Variants in CSMD3 observed in about 807,000 individuals in gnomAD.
CSMD3 encodes the protein CUB and sushi domain-containing protein 3.
In CSMD3, 177 loss-of-function variants were observed where a neutral mutation model predicts 435.2. That is an observed-to-expected ratio of 0.41 (90% CI 0.36 to 0.46). CSMD3 has a LOEUF of 0.46. Ranked by LOEUF, CSMD3 falls within the 20% of genes least tolerant of loss-of-function variation. The pLI, the probability that CSMD3 is intolerant of heterozygous loss-of-function variation, is 0.34. For missense variants in CSMD3, 4,265 were observed against 4,504.6 expected, an observed-to-expected ratio of 0.95 and a Z score of 1.52; for synonymous variants, 1,656 against 1,520.5, an observed-to-expected ratio of 1.09 and a Z score of -2.07.
chr8:112,952,177 C>A (rs780468672), intron 8 of CSMD3, among the ~76,000 whole-genome samples: 6 of 151,106 alleles, frequency 4.0e-5, no homozygotes, highest in Non-Finnish European at 5.9e-5. Flanking sequence ...TCTGAATGAG[C>A]CTTTTAACAG....
At chr8:112,601,512 A>G (rs1668105010) in intron 22 of CSMD3, among the ~76,000 whole-genome samples, 1 of 152,310 alleles carries the variant, frequency 6.6e-6, no homozygotes, top group East Asian at 1.9e-4. Context: ...ATAAATTACT[A>G]TACTACAAAG....
At chr8:112,887,242 T>G (rs1321584682) in intron 10 of CSMD3, among the ~76,000 whole-genome samples, 1 of 150,392 alleles carries the variant, frequency 6.6e-6, no homozygotes, top group Admixed American at 6.7e-5. Context: ...TAACTGGGAT[T>G]AGAGAAGTTA....
chr8:113,288,180 T>C (rs369991122), intron 2 of CSMD3, among the ~76,000 whole-genome samples: 4 of 151,818 alleles, frequency 2.6e-5, no homozygotes, highest in Admixed American at 6.6e-5. Flanking sequence ...TAATTTTCAT[T>C]ATTTTAACTT....
intron 16 of CSMD3, among the ~76,000 whole-genome samples, chr8:112,670,424 G>A (rs1289068795): frequency 6.6e-6 from 1 of 152,154 alleles, no homozygotes; most frequent in African/African-American, 2.4e-5. Context: ...ATAGACAAAG[G>A]ATAAGATTTT....
chr8:112,772,998 C>T (rs2078159647), intron 13 of CSMD3, among the ~76,000 whole-genome samples: 1 of 151,950 alleles, frequency 6.6e-6, no homozygotes. Context: ...GAGGCCGGTC[C>T]CAGCACAGGT....
At chr8:112,441,343 T>C in intron 32 of CSMD3, among the ~76,000 whole-genome samples, 1 of 152,126 alleles carries the variant, frequency 6.6e-6, no homozygotes, top group East Asian at 1.9e-4. Flanking sequence ...GCTACAAGTC[T>C]CTAAGAAGTT....
chr8:112,793,339 T>C (rs552233556), intron 13 of CSMD3, among the ~76,000 whole-genome samples: 108 of 151,500 alleles, frequency 7.1e-4, no homozygotes, highest in African/African-American at 2.4e-3. Flanking sequence ...AAAAAGAGCA[T>C]AGTGAACATT....
intron 1 of CSMD3, among the ~76,000 whole-genome samples, chr8:113,389,273 C>T (rs2094451916): frequency 6.6e-6 from 1 of 151,474 alleles, no homozygotes; most frequent in South Asian, 2.1e-4. Flanking sequence ...GGAAATTTAT[C>T]CTCTTTATGT....
At chr8:112,800,797 T>C (rs1304940334) in intron 12 of CSMD3, among the ~76,000 whole-genome samples, 1 of 152,076 alleles carries the variant, frequency 6.6e-6, no homozygotes, top group East Asian at 1.9e-4. Flanking sequence ...ACATATGTTT[T>C]TCTGTAAATA....
intron 4 of CSMD3, among the ~76,000 whole-genome samples, chr8:113,101,580 C>T (rs1318108722): frequency 6.6e-6 from 1 of 151,984 alleles, no homozygotes; most frequent in Non-Finnish European, 1.5e-5. Flanking sequence ...CTCTACACTC[C>T]TGACACATGG....
chr8:113,239,162 A>G (rs2093183467), intron 3 of CSMD3, among the ~76,000 whole-genome samples: 1 of 152,098 alleles, frequency 6.6e-6, no homozygotes, highest in Non-Finnish European at 1.5e-5. Flanking sequence ...CCTGTGAATA[A>G]CCATCAGCTC....
chr8:112,525,341 T>A (rs997738025), intron 27 of CSMD3, among the ~76,000 whole-genome samples: 3 of 149,338 alleles, frequency 2.0e-5, no homozygotes, highest in Admixed American at 6.7e-5. Flanking sequence ...ATATAAAATT[T>A]TATTTATATA....
chr8:113,002,736 T>C (rs536701538), intron 6 of CSMD3, among the ~76,000 whole-genome samples: 1 of 152,232 alleles, frequency 6.6e-6, no homozygotes, highest in Admixed American at 6.6e-5. Context: ...TTGTGTTTTT[T>C]GACATTTGTT....
At chr8:112,291,455 AT>A (rs1347355799) in intron 56 of CSMD3, 54 bp downstream of exon 56, 3 of 1,172,966 alleles carry the variant, frequency 2.6e-6, no homozygotes, top group Non-Finnish European at 3.8e-6. Flanking sequence ...GATGATAAAC[AT>A]TCCTATGGTT....
intron 32 of CSMD3, among the ~76,000 whole-genome samples, chr8:112,468,232 GTATTT>G (rs1818155538): frequency 8.7e-6 from 1 of 114,880 alleles, no homozygotes; most frequent in Non-Finnish European, 1.8e-5. Context: ...ATTGCCTAAA[GTATTT>G]TTTTTTTTTT....
chr8:113,412,755 T>C (rs2094564924), intron 1 of CSMD3, among the ~76,000 whole-genome samples: 1 of 152,050 alleles, frequency 6.6e-6, no homozygotes, highest in Non-Finnish European at 1.5e-5. Context: ...CATTTTTGCC[T>C]GCATGAACGA....
chr8:113,018,198 A>C (rs927409241), intron 6 of CSMD3, among the ~76,000 whole-genome samples: 2 of 152,068 alleles, frequency 1.3e-5, no homozygotes, highest in African/African-American at 4.8e-5. Flanking sequence ...AGCTTCAGAG[A>C]GGTTACTGGT....
chr8:113,213,351 T>C (rs966214136), intron 3 of CSMD3, among the ~76,000 whole-genome samples: 4 of 152,096 alleles, frequency 2.6e-5, no homozygotes, highest in Non-Finnish European at 5.9e-5. Context: ...AATTTGTACC[T>C]TTACTGGCAG....
At chr8:112,492,436 AT>A in intron 31 of CSMD3, 52 bp downstream of exon 31, 1 of 1,393,130 alleles carries the variant, frequency 7.2e-7, no homozygotes, top group Non-Finnish European at 1.0e-6. Flanking sequence ...GTCTTTAAAT[AT>A]TTTTTGATTT....
Sources: allele counts gnomAD v4.1 joint callset (sites outside exome capture counted in the v4.1 genomes callset), GRCh38; gene constraint gnomAD v4.1.1; transcripts MANE v1.5; gene names NCBI Gene and HGNC (gene_info 2026-07-23, HGNC 2026-07-21).